Variants in PRP4K observed in about 807,000 individuals in gnomAD.
The protein encoded by PRP4K is serine/threonine-protein kinase PRP4 homolog.
the PRP4K span, among the ~76,000 whole-genome samples, chr6:4,030,634 G>T: frequency 6.6e-6 from 1 of 152,166 alleles, no homozygotes; most frequent in Non-Finnish European, 1.5e-5. Context: ...TTTAAGCACA[G>T]AATCCCCCAC....
the PRP4K span, among the ~76,000 whole-genome samples, chr6:4,029,012 C>CTTTTTTTTTTTTTTTTTTTTTTTTTT: frequency 2.3e-5 from 3 of 132,484 alleles, no homozygotes; most frequent in African/African-American, 5.6e-5. Flanking sequence ...TACTTGGAAT[C>CTTTTTTTTTTTTTTTTTTTTTTTTTT]TTTTTTTTTT....
the PRP4K span, among the ~76,000 whole-genome samples, chr6:4,022,101 A>T: frequency 6.7e-6 from 1 of 148,556 alleles, no homozygotes; most frequent in Non-Finnish European, 1.5e-5. Context: ...CTTTTTTACC[A>T]ACTTGCAAAC....
At chr6:4,042,192 T>C in the PRP4K span, among the ~76,000 whole-genome samples, 14 of 152,326 alleles carry the variant, frequency 9.2e-5, no homozygotes, top group African/African-American at 3.1e-4. Context: ...ATAGGTAAAG[T>C]GACTTTACTA....
At chr6:4,023,471 A>G in the PRP4K span, among the ~76,000 whole-genome samples, 4 of 152,226 alleles carry the variant, frequency 2.6e-5, no homozygotes, top group African/African-American at 4.8e-5. Flanking sequence ...CCTGCTGCTA[A>G]CTATTGTACT....
chr6:4,030,512 A>G, the PRP4K span, among the ~76,000 whole-genome samples: 1 of 152,246 alleles, frequency 6.6e-6, no homozygotes, highest in African/African-American at 2.4e-5. Flanking sequence ...ACTTTTAAAG[A>G]GAAAGTTAAA....
At chr6:4,023,328 C>G in the PRP4K span, among the ~76,000 whole-genome samples, 1 of 152,078 alleles carries the variant, frequency 6.6e-6, no homozygotes, top group South Asian at 2.1e-4. Flanking sequence ...TTTTAACAAC[C>G]CTATGGAGGT....
chr6:4,023,301 C>T, the PRP4K span, among the ~76,000 whole-genome samples: 1 of 151,990 alleles, frequency 6.6e-6, no homozygotes, highest in Non-Finnish European at 1.5e-5. Context: ...TTTTAAGCTC[C>T]CTGAAGGCTT....
the PRP4K span, among the ~76,000 whole-genome samples, chr6:4,024,317 A>G: frequency 1.3e-5 from 2 of 152,160 alleles, no homozygotes; most frequent in Non-Finnish European, 2.9e-5. Flanking sequence ...TAGCCCAGGC[A>G]ACATAGTGAG....
the PRP4K span, among the ~76,000 whole-genome samples, chr6:4,025,530 ATT>A: frequency 6.6e-6 from 1 of 152,268 alleles, no homozygotes; most frequent in Non-Finnish European, 1.5e-5. Flanking sequence ...GGTTAACCTG[ATT>A]GTACCGAGCT....
At chr6:4,058,921 T>G in the PRP4K span, 1 of 850,860 alleles carries the variant, frequency 1.2e-6, no homozygotes, top group Non-Finnish European at 1.8e-6. Context: ...AAGTAAGTAT[T>G]TCCTTTTTGC....
the PRP4K span, chr6:4,047,357 C>A: frequency 1.1e-6 from 1 of 947,780 alleles, no homozygotes. Flanking sequence ...ATATTTTGAA[C>A]AGTGTGGGTG....
At chr6:4,049,439 A>G in the PRP4K span, 1 of 469,770 alleles carries the variant, frequency 2.1e-6, no homozygotes, top group East Asian at 3.6e-5. Flanking sequence ...GAAACTTTGG[A>G]TGCCAGTCAT....
chr6:4,024,460 A>C, the PRP4K span, among the ~76,000 whole-genome samples: 4 of 152,178 alleles, frequency 2.6e-5, no homozygotes, highest in Middle Eastern at 3.2e-3. Context: ...TAGCTTAAAA[A>C]CGGCTTTATT....
At chr6:4,058,709 T>G in the PRP4K span, 1 of 1,598,322 alleles carries the variant, frequency 6.3e-7, no homozygotes, top group Non-Finnish European at 8.6e-7. Context: ...AAAACCCAAG[T>G]TTTTGTTTTG....
At chr6:4,029,394 A>G in the PRP4K span, among the ~76,000 whole-genome samples, 1 of 136,360 alleles carries the variant, frequency 7.3e-6, no homozygotes, top group Non-Finnish European at 1.5e-5. Flanking sequence ...CCCAGGCTGG[A>G]GTGCAGTGGC....
chr6:4,050,760 A>G, the PRP4K span, among the ~76,000 whole-genome samples: 1 of 152,226 alleles, frequency 6.6e-6, no homozygotes. Context: ...CCTTGTTTTG[A>G]TGGGAAGCCC....
the PRP4K span, among the ~76,000 whole-genome samples, chr6:4,045,714 A>G: frequency 3.9e-5 from 6 of 152,214 alleles, 1 homozygote; most frequent in East Asian, 5.8e-4. Context: ...GATTATCATT[A>G]CTACATATAC....
At chr6:4,032,904 A>C in the PRP4K span, 5 of 946,020 alleles carry the variant, frequency 5.3e-6, no homozygotes, top group African/African-American at 3.4e-5. Flanking sequence ...AAGTAACCCA[A>C]TCCATTAACC....
At chr6:4,052,149 G>A in the PRP4K span, 997,545 of 1,480,666 alleles carry the variant, frequency 0.67, 337,970 homozygotes, top group East Asian at 0.79. Flanking sequence ...TCATCTTTAC[G>A]ATCTCATTTT....
Sources: gnomAD v4.1 joint callset for allele counts (sites outside exome capture counted in the v4.1 genomes callset) on GRCh38, gnomAD v4.1.1 for gene constraint, MANE v1.5 for transcripts, NCBI Gene and HGNC (gene_info 2026-07-23, HGNC 2026-07-21) for gene names.